The following GTF3C6 variants were observed in gnomAD, a reference collection of about 807,000 sequenced individuals.
GTF3C6 encodes the protein general transcription factor IIIC subunit 6.
In GTF3C6, 11 loss-of-function variants were observed where a neutral mutation model predicts 19.2. That is an observed-to-expected ratio of 0.57 (90% CI 0.36 to 0.95). GTF3C6 has a LOEUF of 0.95. Among genes scored for constraint, GTF3C6 ranks in the 40% least tolerant of loss-of-function variants. The pLI is 0.01. For synonymous variants in GTF3C6, 87 were observed against 84.2 expected, an observed-to-expected ratio of 1.03 and a Z score of -0.18; for missense variants, 222 against 254.7, an observed-to-expected ratio of 0.87 and a Z score of 0.87.
At chr6:110,963,185 G>T (rs1246312953) in intron 5 of GTF3C6, among the ~76,000 whole-genome samples, 1 of 152,106 alleles carries the variant, frequency 6.6e-6, no homozygotes, top group Non-Finnish European at 1.5e-5. Context: ...ACAAAGTGCT[G>T]CAATTACAGG....
Position 110,958,726 on chromosome 6 carries a change from G to T in GTF3C6, c.-44G>T, listed in dbSNP as rs1322861627. On this transcript the variant is annotated 5_prime_UTR_variant, in exon 1 of 6. Transcript: ENST00000329970. ...AGCCCGTACTCAAGATGGCGGCTCC[G>T]GGCGGGCGTGGCCAGTGACTAGAAG... The T allele has an allele frequency of 6.5e-7, 1 of 1,548,448 alleles. No individual in the cohort carries two copies. The highest frequency in any genetic ancestry group is 1.2e-5 in the South Asian group (1 of 83,850).
At position 110,967,655 on chromosome 6, in the gene GTF3C6, A is replaced by G. The variant is rs1263809167; in HGVS notation, c.507A>G (p.Gln169=). ...KSLELEEEEI[Q]MNDSSNLSCE... is the part of the protein sequence containing the mutation. ...TGGAATTGGAAGAGGAAGAGATTCA[A>G]ATGAACGACAGTTCAAACCTGAGTT... Residue 169 remains glutamine (Q), a synonymous_variant, in exon 6 of 6, where the codon CAA becomes CAG. Transcript: ENST00000329970. 8 of 1,614,064 alleles carry G rather than the reference A, an allele frequency of 5.0e-6. No individual in the cohort carries two copies. The highest frequency in any genetic ancestry group is 5.9e-6 in the Non-Finnish European group (7 of 1,180,034).
In GTF3C6 at chr6:110,967,740, C is replaced by T. The variant is rs745435980; in HGVS notation, c.592C>T (p.Pro198Ser). 1 of 1,612,790 alleles carries T rather than the reference C, an allele frequency of 6.2e-7. No individual in the cohort carries two copies. The highest frequency in any genetic ancestry group is 1.7e-5 in the Admixed American group (1 of 59,734). ...AGATTCTGGTCCTCTTATTGATATA[C>T]CTTCTGAGACAGAAGGTTCTGTTTT... is the stretch of plus-strand genomic sequence containing the variant. ...IEDSGPLIDI[P>S]SETEGSVFME... The change falls in exon 6 of 6, where the codon CCT becomes TCT. Residue 198 changes from proline to serine, a missense_variant. Pro to Ser is a moderately conservative substitution (Grantham distance 74). Transcript: ENST00000329970.
In GTF3C6 at chr6:110,967,567, T is replaced by C. The variant is rs1365266755; in HGVS notation, c.419T>C (p.Ile140Thr). The change falls in exon 6 of 6, where the codon ATT (isoleucine) becomes ACT (threonine). Residue 140 changes from isoleucine to threonine, a missense_variant. Coordinates refer to ENST00000329970, the MANE Select transcript of GTF3C6 (RefSeq NM_138408.4). Reference sequence around the variant, plus strand: ...GATTTCTCCTATCGACCCAACATGATTTGTAACTTTCTACATGAAAATGAA... The same window carrying C: ...GATTTCTCCTATCGACCCAACATGACTTGTAACTTTCTACATGAAAATGAA... ...DNDFSYRPNMICNFLHENEDE... is the reference protein window; with the variant it reads ...DNDFSYRPNMTCNFLHENEDE... The C allele has an allele frequency of 6.2e-7, 1 of 1,613,990 alleles. No homozygotes were observed. Among genetic ancestry groups the C allele is most frequent in the Admixed American group, 1.7e-5 (1 of 60,016 alleles).
At chr6:110,967,452 A>C in intron 5 of GTF3C6, 58 bp from the exon 6 acceptor site, 1 of 1,455,110 alleles carries the variant, frequency 6.9e-7, no homozygotes. Flanking sequence ...AAAGAAAAAT[A>C]TACTAAAATT....
At chr6:110,963,515 T>C (rs2114258307) in intron 5 of GTF3C6, among the ~76,000 whole-genome samples, 1 of 152,302 alleles carries the variant, frequency 6.6e-6, no homozygotes, top group Non-Finnish European at 1.5e-5. Context: ...CATTCATGTG[T>C]AAGATGTGCC....
rs1257330682 is a variant in GTF3C6 at position 110,967,697 on chromosome 6, A to G, written c.549A>G (p.Pro183=). ...ACCTGAGTTGTGAACAGGAGAAACC[A>G]ATGCACTTGGAAATAGAAGATTCTG... ...SSNLSCEQEK[P]MHLEIEDSGP... The change falls in exon 6 of 6, where the codon CCA becomes CCG. Residue 183 remains proline (P), a synonymous_variant. Transcript: ENST00000329970. 4 of 1,613,958 alleles carry G rather than the reference A, an allele frequency of 2.5e-6. No homozygotes were observed. The highest frequency in any genetic ancestry group is 1.1e-5 in the South Asian group (1 of 91,084).
intron 5 of GTF3C6, among the ~76,000 whole-genome samples, chr6:110,962,971 G>T (rs909218639): frequency 6.6e-6 from 1 of 152,126 alleles, no homozygotes; most frequent in Non-Finnish European, 1.5e-5. Context: ...TATAGACGGG[G>T]TTTTACAGTG....
chr6:110,963,603 G>A (rs1263918249), intron 5 of GTF3C6, among the ~76,000 whole-genome samples: 2 of 152,038 alleles, frequency 1.3e-5, no homozygotes, highest in African/African-American at 4.8e-5. Flanking sequence ...TGAGCAAAGT[G>A]GATATGATCA....
chr6:110,959,253 G>T lies in GTF3C6; in HGVS notation c.138+1G>T. 1 of 1,589,702 alleles carries T rather than the reference G, an allele frequency of 6.3e-7. No individual in the cohort carries two copies. Among genetic ancestry groups the T allele is most frequent in the Non-Finnish European group, 8.6e-7 (1 of 1,158,790 alleles). On this transcript the variant is annotated splice_donor_variant, in intron 2 of 5. Coordinates refer to ENST00000329970, the MANE Select transcript of GTF3C6 (RefSeq NM_138408.4). LOFTEE classifies it high-confidence loss of function. Reference sequence around the variant, plus strand: ...ATGTGAAAATAAATGCAAGGTTTTGGTGAGTTTTCTAGACTTGGGGGGATT... The same window carrying T: ...ATGTGAAAATAAATGCAAGGTTTTGTTGAGTTTTCTAGACTTGGGGGGATT...
chr6:110,959,295 A>G, intron 2 of GTF3C6, 43 bp downstream of exon 2: 1 of 1,164,330 alleles, frequency 8.6e-7, no homozygotes, highest in Non-Finnish European at 1.3e-6. Flanking sequence ...GAGTGTCTTA[A>G]ATGTAAAACA....
intron 1 of GTF3C6, 120 bp from the exon 2 acceptor site, chr6:110,959,052 T>A (rs1165832496): frequency 9.1e-6 from 8 of 874,322 alleles, no homozygotes; most frequent in African/African-American, 1.7e-5. Context: ...GGTAGCGTAG[T>A]TTCCTCTTGC....
intron 5 of GTF3C6, among the ~76,000 whole-genome samples, chr6:110,964,674 C>T (rs1771205986): frequency 6.6e-6 from 1 of 151,478 alleles, no homozygotes; most frequent in Non-Finnish European, 1.5e-5. Flanking sequence ...CAGAGTCTTA[C>T]TCCATCCCCC....
In GTF3C6 at chr6:110,960,427, A is replaced by G; in HGVS notation, c.152A>G (p.Glu51Gly). The change falls in exon 3 of 6, where the codon GAG becomes GGG. Residue 51 changes from glutamate (E) to glycine (G), a missense_variant. Physicochemically the swap from Glu to Gly is moderately conservative, Grantham distance 98. Transcript: ENST00000329970. The part of the protein sequence containing the change: ...NKCKVLGIDT[E>G]RPILQVDSCV... ...ATTCTGTTGTAGGGCATTGACACTG[A>G]GAGGCCCATTCTGCAAGTGGACAGC... 6.2e-7 allele frequency: 1 copy of G among 1,613,246 alleles called. No homozygotes were observed. The highest frequency in any genetic ancestry group is 8.5e-7 in the Non-Finnish European group (1 of 1,179,594).
rs1178364599 is a variant in GTF3C6, at chr6:110,962,484, A to C, written c.340A>C (p.Lys114Gln). The C allele has an allele frequency of 1.9e-6, 3 of 1,597,110 alleles. No homozygotes were observed. The highest frequency in any genetic ancestry group is 2.6e-6 in the Non-Finnish European group (3 of 1,164,620). Residue 114 changes from lysine (K) to glutamine (Q), a missense_variant, in exon 5 of 6, where the codon AAG becomes CAG. By Grantham distance (53) the Lys-to-Gln change is moderately conservative. Coordinates refer to ENST00000329970, the MANE Select transcript of GTF3C6 (RefSeq NM_138408.4). ...SMTRTLLTEK[K>Q]EGEENIGGVE... ...GACAAGAACTCTCCTGACAGAGAAG[A>C]AGGAAGGAGAAGAAAACATAGGTTA...
chr6:110,960,345 A>G, intron 2 of GTF3C6, 69 bp from the exon 3 acceptor site: 13 of 1,356,854 alleles, frequency 9.6e-6, no homozygotes, highest in Non-Finnish European at 1.2e-5. Flanking sequence ...TTTCCTTGGT[A>G]GCAAGGTTAC....
chr6:110,961,062 A>G (rs1012880238), intron 4 of GTF3C6, among the ~76,000 whole-genome samples: 11 of 152,048 alleles, frequency 7.2e-5, no homozygotes, highest in African/African-American at 2.2e-4. Flanking sequence ...AAACAAACAA[A>G]AGAACCCATT....
intron 5 of GTF3C6, among the ~76,000 whole-genome samples, chr6:110,965,479 G>C (rs1476018654): frequency 2.0e-5 from 3 of 152,064 alleles, no homozygotes; most frequent in Non-Finnish European, 2.9e-5. Context: ...ACATTTGAAG[G>C]TACATTGATC....
intron 1 of GTF3C6, 102 bp downstream of exon 1, chr6:110,958,928 C>G (rs1213855633): frequency 7.7e-7 from 1 of 1,302,560 alleles, no homozygotes; most frequent in Non-Finnish European, 1.1e-6. Flanking sequence ...GGAGGGAGGC[C>G]CCACTGCTCC....
Sources: gnomAD v4.1 joint callset for allele counts (sites outside exome capture counted in the v4.1 genomes callset) on GRCh38, gnomAD v4.1.1 for gene constraint, MANE v1.5 for transcripts, NCBI Gene and HGNC (gene_info 2026-07-23, HGNC 2026-07-21) for gene names.